PALM2AKAP2: variants seen among roughly 807,000 people sequenced by gnomAD.
The protein encoded by PALM2AKAP2 is PALM2-AKAP2 fusion protein.
A neutral mutation model predicts 71.5 loss-of-function variants in PALM2AKAP2; 37 were observed. The observed-to-expected ratio is 0.52, with a 90% CI of 0.40 to 0.68. PALM2AKAP2 has a LOEUF of 0.68. Among genes scored for constraint, PALM2AKAP2 ranks in the 30% least tolerant of loss-of-function variants. The probability of loss-of-function intolerance (pLI) is 0.00; values close to 1 mark genes in which losing one functional copy is unlikely to be tolerated. For synonymous variants in PALM2AKAP2, 468 were observed against 478.8 expected (o/e 0.98, Z 0.29); for missense variants, 1,224 against 1,191.8 (o/e 1.03, Z -0.40).
At chr9:109,711,823 A>G (rs796229059) in intron 1 of PALM2AKAP2, among the ~76,000 whole-genome samples, 11 of 152,318 alleles carry the variant, frequency 7.2e-5, no homozygotes, top group African/African-American at 2.6e-4. Flanking sequence ...CCTTAGTGAG[A>G]TGGTGTTAGG....
intron 6 of PALM2AKAP2, chr9:109,942,628 CCATTCACTGGCTTTTTTTGTTGTAA>C: frequency 6.6e-7 from 1 of 1,509,428 alleles, no homozygotes; most frequent in South Asian, 1.4e-5. Context: ...TGGCAATTAA[CCATTCACTGGCTTTTTTTGTTGTAA>C]CATGCACTTC....
At chr9:110,057,373 T>C (rs1319934859) in intron 1 of PALM2AKAP2, among the ~76,000 whole-genome samples, 4 of 140,672 alleles carry the variant, frequency 2.8e-5, no homozygotes, top group Non-Finnish European at 3.0e-5. Context: ...TCTGTTTTTT[T>C]TTTTTTTGTT....
chr9:109,989,324 A>G (rs757098542), intron 6 of PALM2AKAP2, among the ~76,000 whole-genome samples: 3 of 152,172 alleles, frequency 2.0e-5, no homozygotes, highest in Non-Finnish European at 4.4e-5. Context: ...AGCTGGGACT[A>G]TCTACTCGTA....
intron 6 of PALM2AKAP2, among the ~76,000 whole-genome samples, chr9:109,965,292 C>T (rs946478161): frequency 6.6e-6 from 1 of 152,170 alleles, no homozygotes; most frequent in Admixed American, 6.5e-5. Context: ...TACCAATGCT[C>T]ACAGCAGCAT....
chr9:109,880,439 G>A (rs1042559425), intron 2 of PALM2AKAP2, 112 bp from the exon 3 acceptor site: 4 of 1,476,804 alleles, frequency 2.7e-6, no homozygotes, highest in Non-Finnish European at 3.6e-6. Context: ...TGAAGGCAGC[G>A]ATTCAGGCAG....
chr9:109,888,881 T>C (rs1830025802), intron 3 of PALM2AKAP2, among the ~76,000 whole-genome samples: 1 of 152,210 alleles, frequency 6.6e-6, no homozygotes, highest in South Asian at 2.1e-4. Flanking sequence ...CCCTGGCCTC[T>C]ACCTAGTGGC....
At chr9:110,093,437 G>A (rs906479177) in intron 1 of PALM2AKAP2, among the ~76,000 whole-genome samples, 1 of 152,084 alleles carries the variant, frequency 6.6e-6, no homozygotes, top group Non-Finnish European at 1.5e-5. Context: ...CAAAAAGCCA[G>A]GAGAAAAGAA....
chr9:109,973,494 G>T (rs1832110532), intron 6 of PALM2AKAP2, among the ~76,000 whole-genome samples: 1 of 152,190 alleles, frequency 6.6e-6, no homozygotes, highest in African/African-American at 2.4e-5. Context: ...AGTCATGCTT[G>T]GATGTGGCAC....
intron 1 of PALM2AKAP2, among the ~76,000 whole-genome samples, chr9:109,851,543 A>G (rs1829019910): frequency 6.6e-6 from 1 of 152,216 alleles, no homozygotes; most frequent in African/African-American, 2.4e-5. Context: ...CTACCTGGTG[A>G]TAGATACCAA....
At chr9:110,109,879 C>T (rs949103630) in intron 1 of PALM2AKAP2, among the ~76,000 whole-genome samples, 20 of 152,058 alleles carry the variant, frequency 1.3e-4, no homozygotes, top group African/African-American at 4.6e-4. Context: ...CTAGCAATCC[C>T]ACTTCTGGGT....
intron 1 of PALM2AKAP2, among the ~76,000 whole-genome samples, chr9:109,760,924 C>T (rs1359590811): frequency 6.6e-6 from 1 of 151,986 alleles, no homozygotes; most frequent in Non-Finnish European, 1.5e-5. Flanking sequence ...TTCTCAATTC[C>T]TGTAACTTTG....
At chr9:109,664,731 G>A (rs1287055577) in intron 1 of PALM2AKAP2, among the ~76,000 whole-genome samples, 1 of 152,112 alleles carries the variant, frequency 6.6e-6, no homozygotes, top group Admixed American at 6.5e-5. Context: ...TTTGAGTGTT[G>A]GCCTGCCTTG....
At chr9:110,107,251 C>T (rs1252407043) in intron 1 of PALM2AKAP2, among the ~76,000 whole-genome samples, 2 of 152,104 alleles carry the variant, frequency 1.3e-5, no homozygotes, top group Non-Finnish European at 2.9e-5. Flanking sequence ...ACTGAATGTT[C>T]CCCACACAAA....
At chr9:109,670,374 G>T (rs1317706553) in intron 1 of PALM2AKAP2, among the ~76,000 whole-genome samples, 1 of 152,090 alleles carries the variant, frequency 6.6e-6, no homozygotes, top group South Asian at 2.1e-4. Context: ...GAGGTATTTG[G>T]TTGTCTGTTC....
At chr9:109,845,001 G>A (rs1476638330) in intron 1 of PALM2AKAP2, among the ~76,000 whole-genome samples, 1 of 151,832 alleles carries the variant, frequency 6.6e-6, no homozygotes, top group African/African-American at 2.4e-5. Flanking sequence ...TCTGGTAGGG[G>A]GGTTTCAGGA....
At chr9:109,988,983 A>G (rs911544606) in intron 6 of PALM2AKAP2, among the ~76,000 whole-genome samples, 1 of 152,146 alleles carries the variant, frequency 6.6e-6, no homozygotes, top group African/African-American at 2.4e-5. Flanking sequence ...GCCTCCATGT[A>G]AGATGTGCCT....
rs140115051 is a variant in PALM2AKAP2 at position 109,863,671 on chromosome 9, A to G, written c.46-3820A>G. Among the ~76,000 whole-genome samples the G allele has an allele frequency of 3.1e-4, 47 of 152,358 alleles. No homozygotes were observed. In the East Asian group the frequency reaches 6.0e-3, roughly 19 times the overall value. The stretch of plus-strand genomic sequence containing the variant: ...AGACCTCAGCCATCAAACAAGTATC[A>G]GAAACTGCAAGTGAGTTCCTTAATG... On this transcript the variant is annotated intron_variant, in intron 1 of 9. Transcript: ENST00000302798.
At chr9:109,975,143 G>A (rs78546985) in intron 6 of PALM2AKAP2, among the ~76,000 whole-genome samples, 1,546 of 152,194 alleles carry the variant, frequency 0.01, 23 homozygotes, top group African/African-American at 0.036. Flanking sequence ...GTAGACATAT[G>A]GAAAAATATT....
intron 1 of PALM2AKAP2, among the ~76,000 whole-genome samples, chr9:110,087,525 G>A (rs957834964): frequency 1.3e-5 from 2 of 152,164 alleles, no homozygotes. Context: ...CAGCCTTATC[G>A]TGGTTTGGAG....
Sources: gnomAD v4.1 joint callset for allele counts (sites outside exome capture counted in the v4.1 genomes callset) on GRCh38, gnomAD v4.1.1 for gene constraint, MANE v1.5 for transcripts, NCBI Gene and HGNC (gene_info 2026-07-23, HGNC 2026-07-21) for gene names.